Variants in MIB2 observed in about 807,000 individuals in gnomAD.
MIB2 encodes E3 ubiquitin-protein ligase MIB2.
Under a neutral mutation model 96.6 loss-of-function variants are expected in MIB2, and 78 were observed. That is an observed-to-expected ratio of 0.81 (90% confidence interval 0.67 to 0.97). The LOEUF (loss-of-function observed/expected upper bound fraction) is 0.97. Ranked by LOEUF, MIB2 falls within the 50% of genes least tolerant of loss-of-function variation. MIB2 has a pLI of 0.00. For synonymous variants in MIB2, 820 were observed against 629.5 expected, an observed-to-expected ratio of 1.30 and a Z score of -4.53; for missense variants, 1,543 against 1,424.0, an observed-to-expected ratio of 1.08 and a Z score of -1.35.
chr1:1,627,791 C>T lies in MIB2; in HGVS notation c.1642C>T (p.Arg548Trp), dbSNP rs199626113. The T allele has an allele frequency of 3.4e-5, 54 of 1,598,490 alleles. No homozygotes were observed. Among genetic ancestry groups the T allele is most frequent in the Non-Finnish European group, 4.0e-5 (47 of 1,179,362 alleles). ...AVQRGFLEVV[R>W]ALCERGCDVN... Reference sequence around the variant, plus strand: ...GCAGAGGGGCTTCCTGGAGGTGGTGCGGGCCCTGTGTGAGCGCGGCTGTGA... The same window carrying T: ...GCAGAGGGGCTTCCTGGAGGTGGTGTGGGCCCTGTGTGAGCGCGGCTGTGA... The change falls in exon 13 of 20, where the codon CGG becomes TGG. Residue 548 changes from arginine to tryptophan, a missense_variant. Transcript: ENST00000355826.
At chr1:1,624,689 T>C (rs768415693) in intron 4 of MIB2, 106 bp from the exon 5 acceptor site, 2 of 1,063,256 alleles carry the variant, frequency 1.9e-6, no homozygotes. Context: ...CCCAGCAGGC[T>C]GGGTGGACAG....
chr1:1,624,404 T>G (rs1392353093), intron 4 of MIB2, among the ~76,000 whole-genome samples: 1 of 152,094 alleles, frequency 6.6e-6, no homozygotes, highest in Non-Finnish European at 1.5e-5. Context: ...CAGGCCTGCT[T>G]TCCTCATTCC....
rs375965176 is a variant in MIB2, at chr1:1,625,090, A to G, written c.626A>G (p.Asn209Ser). 4 of 1,613,338 alleles carry G rather than the reference A, an allele frequency of 2.5e-6. No homozygotes were observed. Among genetic ancestry groups the G allele is most frequent in the South Asian group, 2.2e-5 (2 of 91,088 alleles). The stretch of plus-strand genomic sequence containing the variant: ...GTGACGTGGGCTGATGGTACCACCA[A>G]TGTGTACCGTGTGGGCCACAAGGGC... ...ASVTWADGTT[N>S]VYRVGHKGKV... Residue 209 changes from asparagine to serine, a missense_variant, in exon 6 of 20, where the codon AAT becomes AGT. Coordinates refer to ENST00000355826, the MANE Select transcript of MIB2 (RefSeq NM_001170687.4). The surrounding 1 kb of genome is among the most constrained non-coding windows in gnomAD (Gnocchi z 5.0).
chr1:1,629,101 C>G lies in MIB2; in HGVS notation c.2203-32C>G, dbSNP rs1426855290. 2.1e-6 allele frequency: 3 copies of G among 1,418,558 alleles called. No homozygotes were observed. The East Asian group carries it at 8.7e-5, about 41-fold the overall frequency. 87.9% of individuals were successfully genotyped at this position (1,418,558 alleles called of 1,614,324 possible). ...GCCTCCCTCGGGCCTGCCCCGGCGC[C>G]CGCCCTCACCGGCGTCTGTCCTGCC... On this transcript the variant is annotated intron_variant, in intron 16 of 19. Coordinates refer to ENST00000355826, the MANE Select transcript of MIB2 (RefSeq NM_001170687.4).
At position 1,615,634 on chromosome 1, in the gene MIB2, G is replaced by T; in HGVS notation, c.-130+1G>T. The T allele has an allele frequency of 6.3e-7, 1 of 1,574,886 alleles. No homozygotes were observed. The highest frequency in any genetic ancestry group is 8.6e-7 in the Non-Finnish European group (1 of 1,164,652). On this transcript the variant is annotated splice_donor_variant, in intron 1 of 19. Coordinates refer to ENST00000355826, the MANE Select transcript of MIB2 (RefSeq NM_001170687.4). LOFTEE classifies it low-confidence loss of function (5UTR_SPLICE). The stretch of plus-strand genomic sequence containing the variant: ...ATGCGGGCCGTCCTCTCGGCTGATG[G>T]TGCGTGCGGGCGCGGATCTCCTCCC...
At chr1:1,613,999 A>C (rs1001516684), upstream of MIB2, 3 of 152,250 alleles carry the variant, frequency 2.0e-5, no homozygotes, top group African/African-American at 7.2e-5. Flanking sequence ...CTTGAAAAAA[A>C]GGCTGGCCAT....
chr1:1,628,795 C>A, intron 16 of MIB2, 73 bp downstream of exon 16: 1 of 1,241,252 alleles, frequency 8.1e-7, no homozygotes, highest in Non-Finnish European at 1.1e-6. Flanking sequence ...AGGGCCTGTG[C>A]CACTGTCCAC....
chr1:1,615,668 C>T (rs760053957), intron 1 of MIB2, 35 bp downstream of exon 1: 2 of 1,548,682 alleles, frequency 1.3e-6, no homozygotes, highest in Non-Finnish European at 1.7e-6. Context: ...CCCTGGTCCT[C>T]CGCACCGTCC....
chr1:1,629,311 G>C lies in MIB2; in HGVS notation c.2381G>C (p.Arg794Pro). 6.7e-7 allele frequency: 1 copy of C among 1,490,196 alleles called. No individual in the cohort carries two copies. The highest frequency in any genetic ancestry group is 1.3e-5 in the South Asian group (1 of 75,000). The allele number at this position is 1,490,196 out of a possible 1,614,324, so 92.3% of individuals were successfully genotyped here. ...KALQGCAQRF[R>P]ERQAGGGAAP... ...CTTCAGGGCTGCGCCCAGCGCTTCC[G>C]GTGAGTCCGTGGACGGCGGGGATGG... The change falls in exon 17 of 20, where the codon CGG becomes CCG. Residue 794 changes from arginine to proline, a missense_variant and splice_region_variant. Transcript: ENST00000355826.
intron 2 of MIB2, among the ~76,000 whole-genome samples, chr1:1,621,256 C>T (rs756241149): frequency 1.3e-5 from 2 of 152,050 alleles, no homozygotes; most frequent in Non-Finnish European, 2.9e-5. Context: ...GGTGGGTGGG[C>T]TCCTGGCTCC....
chr1:1,625,114 G>A lies in MIB2; in HGVS notation c.650G>A (p.Gly217Asp). The stretch of plus-strand genomic sequence containing the variant: ...AATGTGTACCGTGTGGGCCACAAGG[G>A]CAAGGTGGACCTCAAGTGTGTGGGC... ...TTNVYRVGHK[G>D]KVDLKCVGEA... The change falls in exon 6 of 20, where the codon GGC (glycine) becomes GAC (aspartate). Residue 217 changes from glycine (G) to aspartate (D), a missense_variant. Transcript: ENST00000355826. This position sits in a 1 kb window ranked among gnomAD's most constrained non-coding sequence, Gnocchi z 5.0. 6.2e-7 allele frequency: 1 copy of A among 1,613,424 alleles called. No individual in the cohort carries two copies. Among genetic ancestry groups the A allele is most frequent in the Non-Finnish European group, 8.5e-7 (1 of 1,179,966 alleles).
Position 1,626,827 on chromosome 1 carries a change from C to G in MIB2, c.1078-10C>G. 1 of 1,600,876 alleles carries G rather than the reference C, an allele frequency of 6.2e-7. No homozygotes were observed. The highest frequency in any genetic ancestry group is 1.1e-5 in the South Asian group (1 of 90,744). ...CTGCAGCCTGCTGTGACCCCCTCCC[C>G]TCCCCGCAGGCCCTGGGCCGCGTCG... On this transcript the variant is annotated splice_polypyrimidine_tract_variant and intron_variant, in intron 9 of 19. Coordinates refer to ENST00000355826, the MANE Select transcript of MIB2 (RefSeq NM_001170687.4). The surrounding 1 kb of genome is among the most constrained non-coding windows in gnomAD (Gnocchi z 5.3).
At position 1,623,893 on chromosome 1, in the gene MIB2, A is replaced by G. The variant is rs773859738; in HGVS notation, c.367A>G (p.Lys123Glu). The G allele has an allele frequency of 6.2e-7, 1 of 1,612,122 alleles. No homozygotes were observed. Among genetic ancestry groups the G allele is most frequent in the Non-Finnish European group, 8.5e-7 (1 of 1,179,554 alleles). Reference sequence around the variant, plus strand: ...CTGCACGCAGTGCTACATGCACAACAAGCATGAGCTCGCCCACGCCTTCGA... The same window carrying G: ...CTGCACGCAGTGCTACATGCACAACGAGCATGAGCTCGCCCACGCCTTCGA... ...DLCTQCYMHN[K>E]HELAHAFDRY... The change falls in exon 4 of 20, where the codon AAG becomes GAG. Residue 123 changes from lysine (K) to glutamate (E), a missense_variant. Physicochemically the swap from Lys to Glu is moderately conservative, Grantham distance 56. Coordinates refer to ENST00000355826, the MANE Select transcript of MIB2 (RefSeq NM_001170687.4).
At chr1:1,627,519 C>T (rs1020509407) in intron 12 of MIB2, 75 bp downstream of exon 12, 151 of 1,498,376 alleles carry the variant, frequency 1.0e-4, no homozygotes, top group African/African-American at 1.3e-4. Flanking sequence ...GGGGCCCGGC[C>T]GGCGGGGCTG....
Position 1,628,963 on chromosome 1 carries a change from C to T in MIB2, c.2203-170C>T, listed in dbSNP as rs188575265. On this transcript the variant is annotated intron_variant, in intron 16 of 19. Transcript: ENST00000355826. Reference sequence around the variant, plus strand: ...AGGTGGAGCTTAGGGTCTCAGAGCTCACCTAGCAGGGCGCCCCTCCTGCCT... The same window carrying T: ...AGGTGGAGCTTAGGGTCTCAGAGCTTACCTAGCAGGGCGCCCCTCCTGCCT... 27 of 759,874 alleles carry T rather than the reference C, an allele frequency of 3.6e-5. No homozygotes were observed. The African/African-American group carries it at 4.3e-4, about 12-fold the overall frequency. 47.1% of individuals were successfully genotyped at this position (759,874 alleles called of 1,614,324 possible). A position where few individuals can be genotyped will look rare whatever the true frequency, so the allele number is the denominator to read the frequency against.
intron 2 of MIB2, 74 bp from the exon 3 acceptor site, chr1:1,623,357 C>T: frequency 6.4e-7 from 1 of 1,564,276 alleles, no homozygotes. Context: ...GGGAGTGTCC[C>T]ATGGTGGCCT....
In MIB2 at chr1:1,627,201, A is replaced by G. The variant is rs1292525543; in HGVS notation, c.1368A>G (p.Pro456=). The stretch of plus-strand genomic sequence containing the variant: ...CTCTGGACCTGCTGCGGAGGCGCCC[A>G]GAGCAGGCAAGCTCCTGACCCCGTC... ...ARALDLLRRR[P]EQVDTKNQGR... Residue 456 remains proline (P), a synonymous_variant, in exon 11 of 20, where the codon CCA becomes CCG. Coordinates refer to ENST00000355826, the MANE Select transcript of MIB2 (RefSeq NM_001170687.4). The G allele has an allele frequency of 6.2e-7, 1 of 1,603,914 alleles. No homozygotes were observed. Among genetic ancestry groups the G allele is most frequent in the South Asian group, 1.1e-5 (1 of 90,150 alleles).
Position 1,626,572 on chromosome 1 carries a change from C to T in MIB2, c.973-78C>T. The T allele has an allele frequency of 1.6e-6, 2 of 1,225,852 alleles. No homozygotes were observed. The highest frequency in any genetic ancestry group is 1.6e-5 in the South Asian group (1 of 64,460). 75.9% of individuals were successfully genotyped at this position (1,225,852 alleles called of 1,614,324 possible). The stretch of plus-strand genomic sequence containing the variant: ...GGCCTGCCTGTCTCGTGGAGCTCAG[C>T]AGGTTGCCCTCCTGTTGCATGAGCC... On this transcript the variant is annotated intron_variant, in intron 8 of 19. Coordinates refer to ENST00000355826, the MANE Select transcript of MIB2 (RefSeq NM_001170687.4). The surrounding 1 kb of genome is among the most constrained non-coding windows in gnomAD (Gnocchi z 5.3).
rs368024085 is a variant in MIB2, at chr1:1,628,470, C to T, written c.1969-19C>T. 151 of 1,595,360 alleles carry T rather than the reference C, an allele frequency of 9.5e-5. No individual in the cohort carries two copies. The highest frequency in any genetic ancestry group is 2.3e-4 in the African/African-American group (17 of 74,718). On this transcript the variant is annotated intron_variant, in intron 15 of 19. Transcript: ENST00000355826. ...CCCACTGGGGTCCCTGGGCTGAGCC[C>T]GTCCCCACCCCTCCCCAGGGCCGCT...
Sources: gnomAD v4.1 joint callset for allele counts (sites outside exome capture counted in the v4.1 genomes callset) on GRCh38, gnomAD v4.1.1 for gene constraint, Gnocchi (gnomAD v3.1) non-coding constraint, MANE v1.5 for transcripts, NCBI Gene and HGNC (gene_info 2026-07-23, HGNC 2026-07-21) for gene names.